The following TEAD4 variants were observed in gnomAD, a reference collection of about 807,000 sequenced individuals.
TEAD4 encodes the protein TEA domain transcription factor 4, also known as transcriptional enhancer factor TEF-3.
TEAD4 carries 36 observed loss-of-function variants against 52.4 expected under a neutral mutation model. The observed-to-expected ratio is 0.69, with a 90% confidence interval of 0.53 to 0.91. The LOEUF (loss-of-function observed/expected upper bound fraction) is 0.91, where lower values mean the gene tolerates loss of function less well. TEAD4 is among the 40% of genes least tolerant of loss of function. The pLI is 0.00. For synonymous variants in TEAD4, 220 were observed against 231.0 expected, an observed-to-expected ratio of 0.95 and a Z score of 0.43; for missense variants, 508 against 583.9, an observed-to-expected ratio of 0.87 and a Z score of 1.34.
chr12:3,032,649 G>A (rs2098276418), intron 10 of TEAD4, among the ~76,000 whole-genome samples: 1 of 152,204 alleles, frequency 6.6e-6, no homozygotes, highest in South Asian at 2.1e-4. Context: ...CGTGTATGTG[G>A]CCGGCTGGTA....
chr12:3,012,612 G>A (rs1344600742), intron 5 of TEAD4, among the ~76,000 whole-genome samples: 2 of 152,172 alleles, frequency 1.3e-5, no homozygotes, highest in African/African-American at 4.8e-5. Flanking sequence ...CTGTGGGGGT[G>A]GGGGTGGCGT....
chr12:3,037,871 C>T, intron 10 of TEAD4, 97 bp from the exon 11 acceptor site: 1 of 1,446,526 alleles, frequency 6.9e-7, no homozygotes, highest in Non-Finnish European at 9.3e-7. Context: ...TTCTTCCCAG[C>T]CCTAGAGCCG....
chr12:2,976,299 T>A lies in TEAD4; in HGVS notation c.-30+16259T>A, dbSNP rs2098229611. ...AGTGCTGGGATTACAGGCGTGAACC[T>A]CCACACCTGGCCATCTCATTTCTTT... is the stretch of plus-strand genomic sequence containing the variant. On this transcript the variant is annotated intron_variant, in intron 2 of 12. Coordinates refer to ENST00000359864, the MANE Select transcript of TEAD4 (RefSeq NM_003213.4). Among the ~76,000 whole-genome samples the A allele has an allele frequency of 6.0e-5, 9 of 151,012 alleles. No homozygotes were observed. In the South Asian group the frequency reaches 1.9e-3, roughly 32 times the overall value.
In TEAD4 at chr12:3,021,919, A is replaced by G. The variant is rs761078905; in HGVS notation, c.799A>G (p.Ile267Val). The G allele has an allele frequency of 3.7e-6, 6 of 1,614,110 alleles. No individual in the cohort carries two copies. The highest frequency in any genetic ancestry group is 4.5e-5 in the East Asian group (2 of 44,888). ...CGACCCCTACCTCGAAGCCGTGGAC[A>G]TCCGCCAAATCTATGACAAATTCCC... The change falls in exon 10 of 13, where the codon ATC (isoleucine) becomes GTC (valine). Residue 267 changes from isoleucine to valine, a missense_variant. By Grantham distance (29) the Ile-to-Val change is conservative. Coordinates refer to ENST00000359864, the MANE Select transcript of TEAD4 (RefSeq NM_003213.4).
intron 10 of TEAD4, among the ~76,000 whole-genome samples, chr12:3,022,252 A>T (rs1478740922): frequency 1.3e-5 from 2 of 152,154 alleles, no homozygotes; most frequent in Admixed American, 1.3e-4. Flanking sequence ...ACGGGTGGGG[A>T]TGGCAGCTAA....
At chr12:2,976,570 A>AG (rs2098229859) in intron 2 of TEAD4, among the ~76,000 whole-genome samples, 1 of 152,168 alleles carries the variant, frequency 6.6e-6, no homozygotes, top group South Asian at 2.1e-4. Context: ...AGGGGAGGCC[A>AG]GGGGGCAAGG....
chr12:2,989,360 A>G (rs574474546), intron 2 of TEAD4, among the ~76,000 whole-genome samples: 1 of 152,280 alleles, frequency 6.6e-6, no homozygotes, highest in Admixed American at 6.5e-5. Context: ...TTCAAGATTA[A>G]CAGATAGTTT....
intron 3 of TEAD4, among the ~76,000 whole-genome samples, chr12:2,999,156 C>CCTCAGCTCAT (rs2098249634): frequency 6.6e-6 from 1 of 152,172 alleles, no homozygotes. Flanking sequence ...CTGACTCAGA[C>CCTCAGCTCAT]CTCAGCTCAC....
At chr12:2,986,415 A>G (rs936279985) in intron 2 of TEAD4, among the ~76,000 whole-genome samples, 4 of 152,128 alleles carry the variant, frequency 2.6e-5, no homozygotes, top group South Asian at 2.1e-4. Context: ...AGACGGGCCA[A>G]TCACCAGAGG....
At chr12:3,019,631 C>T (rs1031988255) in intron 8 of TEAD4, among the ~76,000 whole-genome samples, 1 of 152,196 alleles carries the variant, frequency 6.6e-6, no homozygotes, top group South Asian at 2.1e-4. Context: ...GGAGCCCCCA[C>T]CCCGCCCTCT....
intron 3 of TEAD4, among the ~76,000 whole-genome samples, chr12:3,004,157 C>G (rs111606196): frequency 2.3e-4 from 35 of 152,360 alleles, no homozygotes; most frequent in African/African-American, 8.2e-4. Context: ...AGTTGGATCT[C>G]CCTCCGGGAC....
chr12:2,980,850 A>C (rs1014934848), intron 2 of TEAD4, among the ~76,000 whole-genome samples: 4 of 152,204 alleles, frequency 2.6e-5, no homozygotes, highest in African/African-American at 9.6e-5. Flanking sequence ...GTCTGAGGTC[A>C]AGAGCGAAAC....
Position 2,959,781 on chromosome 12 carries a change from C to T in TEAD4, c.-122-167C>T, listed in dbSNP as rs1198229445. The T allele has an allele frequency of 1.3e-5, 2 of 150,436 alleles. No homozygotes were observed. The highest frequency in any genetic ancestry group is 2.9e-5 in the Non-Finnish European group (2 of 67,804). 9.3% of individuals were successfully genotyped at this position (150,436 alleles called of 1,614,324 possible). A position where few individuals can be genotyped will look rare whatever the true frequency, so the allele number is the denominator to read the frequency against. ...GATCCCCGTGTTTTCCCGTCAGTCCCATTCTGGGAAAACTCCTCCCTCCGC... is the reference window on the plus strand; with the variant it reads ...GATCCCCGTGTTTTCCCGTCAGTCCTATTCTGGGAAAACTCCTCCCTCCGC... On this transcript the variant is annotated intron_variant, in intron 1 of 12. Transcript: ENST00000359864. The surrounding 1 kb of genome is among the most constrained non-coding windows in gnomAD (Gnocchi z 5.1).
chr12:3,019,815 C>G (rs1489359681), intron 8 of TEAD4, among the ~76,000 whole-genome samples: 1 of 152,196 alleles, frequency 6.6e-6, no homozygotes, highest in East Asian at 1.9e-4. Context: ...TGCCTTCTGT[C>G]CCCCAGGTCC....
At chr12:2,977,108 A>G (rs1591559148) in intron 2 of TEAD4, among the ~76,000 whole-genome samples, 1 of 151,676 alleles carries the variant, frequency 6.6e-6, no homozygotes, top group Admixed American at 6.6e-5. Context: ...ATGGAATTCA[A>G]TCCTCACAGC....
intron 5 of TEAD4, 184 bp from the exon 6 acceptor site, chr12:3,017,214 C>A: frequency 4.1e-6 from 3 of 736,018 alleles, no homozygotes; most frequent in South Asian, 3.3e-5. Context: ...GAAAACTGAC[C>A]AGAGAAACCA....
intron 3 of TEAD4, among the ~76,000 whole-genome samples, chr12:3,005,597 A>T (rs10128784): frequency 0.25 from 37,272 of 151,868 alleles, 7,300 homozygotes; most frequent in African/African-American, 0.55. Flanking sequence ...CCTGGGTTCA[A>T]GCCATTCTCC....
chr12:3,008,373 T>G (rs925364545), intron 3 of TEAD4, among the ~76,000 whole-genome samples: 2 of 151,936 alleles, frequency 1.3e-5, no homozygotes, highest in Non-Finnish European at 2.9e-5. Flanking sequence ...GCAAGAAGTT[T>G]AGGATGGATC....
chr12:2,962,346 A>ATATATTTTT (rs1350931012), intron 2 of TEAD4, among the ~76,000 whole-genome samples: 2 of 128,062 alleles, frequency 1.6e-5, no homozygotes, highest in South Asian at 2.4e-4. Flanking sequence ...ATATATATAT[A>ATATATTTTT]TTTTTTGAGA....
Sources: allele counts gnomAD v4.1 joint callset (sites outside exome capture counted in the v4.1 genomes callset), GRCh38; gene constraint gnomAD v4.1.1; non-coding constraint Gnocchi (gnomAD v3.1); transcripts MANE v1.5; gene names NCBI Gene and HGNC (gene_info 2026-07-23, HGNC 2026-07-21).